Variants in NIPAL1 observed in about 807,000 individuals in gnomAD.
NIPAL1 encodes the protein magnesium transporter NIPA3.
Under a neutral mutation model 37.7 loss-of-function variants are expected in NIPAL1, and 35 were observed. The observed-to-expected ratio is 0.93, with a 90% CI of 0.71 to 1.23. NIPAL1 has a LOEUF of 1.23. NIPAL1 is among the 50% of genes most tolerant of loss of function. The pLI is 0.00. For synonymous variants in NIPAL1, 162 were observed against 183.0 expected, an observed-to-expected ratio of 0.89 and a Z score of 0.93; for missense variants, 412 against 473.9, an observed-to-expected ratio of 0.87 and a Z score of 1.21.
chr4:48,022,693 T>C (rs1715598290), intron 1 of NIPAL1, among the ~76,000 whole-genome samples: 1 of 152,220 alleles, frequency 6.6e-6, no homozygotes, highest in Non-Finnish European at 1.5e-5. Flanking sequence ...TACAAAAATA[T>C]ACTTAATCAC....
chr4:48,035,162 G>C lies in NIPAL1; in HGVS notation c.622+121G>C, dbSNP rs1024190207. 3 of 817,218 alleles carry C rather than the reference G, an allele frequency of 3.7e-6. No individual in the cohort carries two copies. In the African/African-American group the frequency reaches 5.3e-5, roughly 14 times the overall value. 50.6% of individuals were successfully genotyped at this position (817,218 alleles called of 1,614,324 possible). A position where few individuals can be genotyped will look rare whatever the true frequency, so the allele number is the denominator to read the frequency against. Reference sequence around the variant, plus strand: ...TTGTGGGCCGCATTGTGGGTTGTGAGACACAGTGAGGTTTGATTATTATTT... The same window carrying C: ...TTGTGGGCCGCATTGTGGGTTGTGACACACAGTGAGGTTTGATTATTATTT... On this transcript the variant is annotated intron_variant, in intron 5 of 5. Transcript: ENST00000295461.
intron 1 of NIPAL1, among the ~76,000 whole-genome samples, chr4:48,023,975 CTTT>C (rs11329586): frequency 0.013 from 1,356 of 107,750 alleles, 24 homozygotes; most frequent in African/African-American, 0.04. Context: ...CAGATTTCTT[CTTT>C]TTTTTTTTTT....
intron 1 of NIPAL1, among the ~76,000 whole-genome samples, chr4:48,017,466 G>A (rs1715453459): frequency 7.3e-6 from 1 of 136,816 alleles, no homozygotes; most frequent in South Asian, 2.5e-4. Flanking sequence ...AAACCCATGA[G>A]CCTGTCTGAC....
chr4:48,017,996 A>G (rs1449433238), intron 1 of NIPAL1, among the ~76,000 whole-genome samples: 5 of 152,074 alleles, frequency 3.3e-5, no homozygotes, highest in Non-Finnish European at 7.4e-5. Context: ...CATGCTAGCA[A>G]GGAAGAGAAG....
intron 1 of NIPAL1, among the ~76,000 whole-genome samples, chr4:48,020,644 G>A (rs959315851): frequency 6.6e-6 from 1 of 152,170 alleles, no homozygotes; most frequent in African/African-American, 2.4e-5. Context: ...TTACAGAGAT[G>A]CAAATGAGTA....
chr4:48,020,556 A>G (rs1414358914), intron 1 of NIPAL1, among the ~76,000 whole-genome samples: 1 of 152,164 alleles, frequency 6.6e-6, no homozygotes, highest in Non-Finnish European at 1.5e-5. Context: ...TGGCTCCTTC[A>G]TGTGGGATGA....
Position 48,016,790 on chromosome 4 carries a change from G to A in NIPAL1, c.-50G>A, listed in dbSNP as rs1156770237. The A allele has an allele frequency of 1.3e-6, 2 of 1,531,092 alleles. No homozygotes were observed. Among genetic ancestry groups the A allele is most frequent in the Non-Finnish European group, 8.8e-7 (1 of 1,140,178 alleles). The allele number at this position is 1,531,092 out of a possible 1,614,324, so 94.8% of individuals were successfully genotyped here. ...GCCCGCCGCGGGTGCGTGTGGAGAG[G>A]CCCAGGTGAGGAGCAAGCGCCCGCG... On this transcript the variant is annotated 5_prime_UTR_variant, in exon 1 of 6. Coordinates refer to ENST00000295461, the MANE Select transcript of NIPAL1 (RefSeq NM_207330.3).
At chr4:48,020,476 G>C (rs1309737188) in intron 1 of NIPAL1, among the ~76,000 whole-genome samples, 1 of 152,192 alleles carries the variant, frequency 6.6e-6, no homozygotes, top group Admixed American at 6.5e-5. Flanking sequence ...TTCTAGGTCA[G>C]CTGAAGGTTG....
chr4:48,019,444 A>G (rs988165002), intron 1 of NIPAL1, among the ~76,000 whole-genome samples: 2 of 152,216 alleles, frequency 1.3e-5, no homozygotes, highest in African/African-American at 4.8e-5. Context: ...GAGGAAGTCT[A>G]TTTGATTGGG....
At chr4:48,032,358 T>C (rs1321868945) in intron 3 of NIPAL1, among the ~76,000 whole-genome samples, 2 of 152,220 alleles carry the variant, frequency 1.3e-5, no homozygotes, top group African/African-American at 4.8e-5. Flanking sequence ...AAGTTATTTA[T>C]AGCACACTAT....
In NIPAL1 at chr4:48,037,309, A is replaced by T; in HGVS notation, c.*1137A>T. On this transcript the variant is annotated 3_prime_UTR_variant, in exon 6 of 6. Transcript: ENST00000295461. ...ATTAATTAACTCAGGTCTGGAAGAC[A>T]TAGGACAAAATGGAGTTTCTGAAGA... The T allele has an allele frequency of 2.4e-6, 1 of 417,336 alleles. No homozygotes were observed. The highest frequency in any genetic ancestry group is 1.8e-5 in the South Asian group (1 of 56,920). The allele number at this position is 417,336 out of a possible 1,614,324, so 25.9% of individuals were successfully genotyped here.
intron 1 of NIPAL1, among the ~76,000 whole-genome samples, chr4:48,019,405 G>T (rs1291409607): frequency 2.0e-5 from 3 of 152,184 alleles, no homozygotes; most frequent in South Asian, 2.1e-4. Context: ...ATGTATGAAG[G>T]TTGTTATAAA....
chr4:48,030,269 A>G, intron 3 of NIPAL1, 93 bp downstream of exon 3: 1 of 796,352 alleles, frequency 1.3e-6, no homozygotes, highest in South Asian at 1.5e-5. Flanking sequence ...CCTGTCAAGA[A>G]TGGAACAAGG....
chr4:48,016,799 A>T lies in NIPAL1; in HGVS notation c.-41A>T. 1.3e-6 allele frequency: 2 copies of T among 1,544,302 alleles called. No homozygotes were observed. Among genetic ancestry groups the T allele is most frequent in the Non-Finnish European group, 1.7e-6 (2 of 1,149,800 alleles). Reference sequence around the variant, plus strand: ...GGGTGCGTGTGGAGAGGCCCAGGTGAGGAGCAAGCGCCCGCGTTCCGGAAG... The same window carrying T: ...GGGTGCGTGTGGAGAGGCCCAGGTGTGGAGCAAGCGCCCGCGTTCCGGAAG... On this transcript the variant is annotated 5_prime_UTR_variant, in exon 1 of 6. Coordinates refer to ENST00000295461, the MANE Select transcript of NIPAL1 (RefSeq NM_207330.3).
intron 2 of NIPAL1, 106 bp downstream of exon 2, chr4:48,025,440 T>A: frequency 8.8e-7 from 1 of 1,133,562 alleles, no homozygotes; most frequent in Non-Finnish European, 1.3e-6. Context: ...ATTATAGTTA[T>A]TGATTTTTTT....
In NIPAL1 at chr4:48,037,946, CA is replaced by C. The variant is rs1217497807; in HGVS notation, c.*1775del. ...AGTTGTCATTAAAAAAAAAAAAATT[CA>C]GGTAGACTGAATGTTTTTCTGCTCT... On this transcript the variant is annotated 3_prime_UTR_variant, in exon 6 of 6. Coordinates refer to ENST00000295461, the MANE Select transcript of NIPAL1 (RefSeq NM_207330.3). The C allele has an allele frequency of 1.3e-5, 2 of 151,392 alleles. No individual in the cohort carries two copies. The highest frequency in any genetic ancestry group is 2.9e-5 in the Non-Finnish European group (2 of 67,852). 9.4% of individuals were successfully genotyped at this position (151,392 alleles called of 1,614,324 possible).
rs1715993658 is a variant in NIPAL1, at chr4:48,038,081, A to T, written c.*1909A>T. 3 of 152,316 alleles carry T rather than the reference A, an allele frequency of 2.0e-5. No homozygotes were observed. The highest frequency in any genetic ancestry group is 7.2e-5 in the African/African-American group (3 of 41,572). 9.4% of individuals were successfully genotyped at this position (152,316 alleles called of 1,614,324 possible). A position where few individuals can be genotyped will look rare whatever the true frequency, so the allele number is the denominator to read the frequency against. ...AGAATTCGATTAAACTAACTTCAGC[A>T]TTTCCACAGTTCTATTAAACAATGA... is the stretch of plus-strand genomic sequence containing the variant. On this transcript the variant is annotated 3_prime_UTR_variant, in exon 6 of 6. Transcript: ENST00000295461.
At chr4:48,020,543 G>A (rs1027734460) in intron 1 of NIPAL1, among the ~76,000 whole-genome samples, 6 of 152,202 alleles carry the variant, frequency 3.9e-5, no homozygotes, top group Admixed American at 3.9e-4. Context: ...GTCCACCTGG[G>A]TTTGGCTCCT....
intron 1 of NIPAL1, among the ~76,000 whole-genome samples, chr4:48,023,416 C>T (rs1380795513): frequency 5.3e-5 from 8 of 152,176 alleles, no homozygotes; most frequent in Non-Finnish European, 1.0e-4. Context: ...AGTCTTGTTG[C>T]TAAGACATCA....
Sources: allele counts gnomAD v4.1 joint callset (sites outside exome capture counted in the v4.1 genomes callset), GRCh38; gene constraint gnomAD v4.1.1; transcripts MANE v1.5; gene names NCBI Gene and HGNC (gene_info 2026-07-23, HGNC 2026-07-21).